SIK3: variants seen among roughly 807,000 people sequenced by gnomAD.
SIK3 encodes SIK family kinase 3, also known as serine/threonine-protein kinase SIK3.
Under a neutral mutation model 144.2 loss-of-function variants are expected in SIK3, and 28 were observed. The observed-to-expected ratio is 0.19, with a 90% CI of 0.14 to 0.27. The LOEUF (loss-of-function observed/expected upper bound fraction) is 0.27, where lower values mean the gene tolerates loss of function less well. Ranked by LOEUF, SIK3 falls within the 10% of genes least tolerant of loss-of-function variation. The probability of loss-of-function intolerance (pLI) is 1.00; values close to 1 mark genes in which losing one functional copy is unlikely to be tolerated. For synonymous variants in SIK3, 686 were observed against 676.3 expected (o/e 1.01, Z -0.22); for missense variants, 1,319 against 1,776.0 (o/e 0.74, Z 4.62).
At chr11:116,922,045 C>A (rs1437048868) in intron 4 of SIK3, among the ~76,000 whole-genome samples, 2 of 151,952 alleles carry the variant, frequency 1.3e-5, no homozygotes, top group African/African-American at 4.8e-5. Flanking sequence ...ATGCATGCCA[C>A]CTTGCTCAGC....
intron 3 of SIK3, among the ~76,000 whole-genome samples, chr11:116,949,330 T>C (rs1189379791): frequency 6.6e-6 from 1 of 152,212 alleles, no homozygotes; most frequent in Non-Finnish European, 1.5e-5. Context: ...GGGATCACAG[T>C]GTTTTTGCTA....
At chr11:117,004,817 G>C (rs1240471486) in intron 1 of SIK3, among the ~76,000 whole-genome samples, 1 of 152,064 alleles carries the variant, frequency 6.6e-6, no homozygotes, top group Non-Finnish European at 1.5e-5. Flanking sequence ...ATTCCTGCTG[G>C]GCAATAAGAA....
intron 1 of SIK3, among the ~76,000 whole-genome samples, chr11:117,029,895 A>G (rs892573266): frequency 2.6e-5 from 4 of 151,810 alleles, no homozygotes; most frequent in South Asian, 2.1e-4. Context: ...GGGATTTAGG[A>G]GTCATTATGA....
chr11:117,030,302 A>G (rs975502367), intron 1 of SIK3, among the ~76,000 whole-genome samples: 3 of 152,254 alleles, frequency 2.0e-5, no homozygotes, highest in Non-Finnish European at 4.4e-5. Context: ...AGAAGTTTAC[A>G]TACAAAAATG....
In SIK3 at chr11:116,846,478, T is replaced by G. The variant is rs766090506; in HGVS notation, c.4028A>C (p.Tyr1343Ser). Reference protein sequence around the residue: ...DGSQHLNSSCYPSTCITDILL... With the variant: ...DGSQHLNSSCSPSTCITDILL... ...AATGTCTGTAATACACGTAGATGGATAGCAAGAGGAGTTTAAATGCTGGCT... is the reference window on the plus strand; with the variant it reads ...AATGTCTGTAATACACGTAGATGGAGAGCAAGAGGAGTTTAAATGCTGGCT... Residue 1343 changes from tyrosine to serine, a missense_variant, in exon 24 of 25, where the codon TAT (tyrosine) becomes TCT (serine). Coordinates refer to ENST00000445177, the MANE Select transcript of SIK3 (RefSeq NM_001366686.3). The surrounding 1 kb of genome is among the most constrained non-coding windows in gnomAD (Gnocchi z 4.1). The G allele has an allele frequency of 1.2e-6, 2 of 1,614,200 alleles. No individual in the cohort carries two copies. The highest frequency in any genetic ancestry group is 1.1e-5 in the South Asian group (1 of 91,082).
At chr11:117,096,030 C>T (rs1009737273) in intron 1 of SIK3, among the ~76,000 whole-genome samples, 2 of 152,116 alleles carry the variant, frequency 1.3e-5, no homozygotes, top group African/African-American at 4.8e-5. Flanking sequence ...CTAAAGGATA[C>T]CAAGGTCTCA....
chr11:116,947,158 T>TAG (rs1491488934), intron 3 of SIK3, among the ~76,000 whole-genome samples: 1 of 135,486 alleles, frequency 7.4e-6, no homozygotes, highest in African/African-American at 2.8e-5. Flanking sequence ...ATATAATATA[T>TAG]TATATATAAA....
At chr11:116,936,586 C>G (rs993841901) in intron 3 of SIK3, among the ~76,000 whole-genome samples, 6 of 152,220 alleles carry the variant, frequency 3.9e-5, no homozygotes, top group African/African-American at 1.4e-4. Flanking sequence ...TTCAACTCCT[C>G]TTTCTTCCTC....
intron 1 of SIK3, among the ~76,000 whole-genome samples, chr11:116,972,916 A>C (rs985179126): frequency 3.9e-5 from 6 of 152,142 alleles, no homozygotes; most frequent in Non-Finnish European, 5.9e-5. Flanking sequence ...ATGTTACGGA[A>C]GCCCTCAGGA....
intron 1 of SIK3, among the ~76,000 whole-genome samples, chr11:117,049,196 T>C (rs1466058812): frequency 6.6e-6 from 1 of 152,202 alleles, no homozygotes; most frequent in Non-Finnish European, 1.5e-5. Context: ...TCTTTAATAA[T>C]ATATTTATAA....
At chr11:117,091,712 G>A (rs1175202553) in intron 1 of SIK3, among the ~76,000 whole-genome samples, 1 of 152,150 alleles carries the variant, frequency 6.6e-6, no homozygotes, top group Non-Finnish European at 1.5e-5. Context: ...CTCCTCCCTT[G>A]TGCCAAGAAA....
intron 7 of SIK3, 152 bp from the exon 8 acceptor site, chr11:116,876,515 G>T: frequency 1.5e-6 from 1 of 682,510 alleles, no homozygotes; most frequent in Non-Finnish European, 2.6e-6. Flanking sequence ...TGAGTGATCA[G>T]CTGTAAACAG....
chr11:116,887,614 A>G (rs1420431045), intron 6 of SIK3, among the ~76,000 whole-genome samples: 2 of 148,508 alleles, frequency 1.3e-5, no homozygotes, highest in Non-Finnish European at 3.0e-5. Context: ...CTGTCTCCCA[A>G]AAAAAAAAAA....
chr11:116,911,820 T>C (rs1256611101), intron 4 of SIK3, among the ~76,000 whole-genome samples: 1 of 152,236 alleles, frequency 6.6e-6, no homozygotes, highest in Non-Finnish European at 1.5e-5. Context: ...TCTCAGGTAC[T>C]GATGCCGATA....
At chr11:117,039,191 A>G (rs1057258975) in intron 1 of SIK3, among the ~76,000 whole-genome samples, 4 of 152,264 alleles carry the variant, frequency 2.6e-5, no homozygotes, top group Non-Finnish European at 4.4e-5. Flanking sequence ...AAGAAAAAGC[A>G]TAATTAATAA....
At chr11:117,088,231 C>T (rs1955100957) in intron 1 of SIK3, among the ~76,000 whole-genome samples, 1 of 152,030 alleles carries the variant, frequency 6.6e-6, no homozygotes, top group Non-Finnish European at 1.5e-5. Flanking sequence ...AAGCGAAACC[C>T]TATCTCAAAA....
intron 6 of SIK3, among the ~76,000 whole-genome samples, chr11:116,883,658 G>A (rs577023150): frequency 2.4e-4 from 36 of 152,278 alleles, no homozygotes; most frequent in African/African-American, 8.7e-4. Context: ...TTTGGGCCCG[G>A]CATGGTGGCT....
Position 117,086,865 on chromosome 11 carries a change from C to A in SIK3, c.273+11278G>T, listed in dbSNP as rs368866841. ...CAAAAATTAGCCAGGTGTGGTGGCA[C>A]GTGCCTGTAATCCTAGCTACTGAGG... On this transcript the variant is annotated intron_variant, in intron 1 of 24. Transcript: ENST00000445177. Among the ~76,000 whole-genome samples, 8 of 151,434 alleles carry A rather than the reference C, an allele frequency of 5.3e-5. No individual in the cohort carries two copies. In the East Asian group the frequency reaches 1.6e-3, roughly 30 times the overall value.
At chr11:116,869,005 A>C (rs1214067513) in intron 14 of SIK3, 5 of 152,162 alleles carry the variant, frequency 3.3e-5, no homozygotes, top group Non-Finnish European at 5.9e-5. Flanking sequence ...TCTAAAGAAG[A>C]AAGAAGGTAG....
Sources: allele counts gnomAD v4.1 joint callset (sites outside exome capture counted in the v4.1 genomes callset), GRCh38; gene constraint gnomAD v4.1.1; non-coding constraint Gnocchi (gnomAD v3.1); transcripts MANE v1.5; gene names NCBI Gene and HGNC (gene_info 2026-07-23, HGNC 2026-07-21).